SHF: variants seen among roughly 807,000 people sequenced by gnomAD.
SHF encodes SH2 domain-containing adapter protein F.
A neutral mutation model predicts 42.4 loss-of-function variants in SHF; 30 were observed. The ratio of observed to expected loss-of-function variants is 0.71; its 90% confidence interval spans 0.53 to 0.96. The LOEUF (loss-of-function observed/expected upper bound fraction) is 0.96, where lower values mean the gene tolerates loss of function less well. Ranked by LOEUF, SHF falls within the 40% of genes least tolerant of loss-of-function variation. The probability of loss-of-function intolerance (pLI) is 0.00; values close to 1 mark genes in which losing one functional copy is unlikely to be tolerated. For missense variants in SHF, 598 were observed against 634.0 expected, an observed-to-expected ratio of 0.94 and a Z score of 0.61; for synonymous variants, 264 against 269.9, an observed-to-expected ratio of 0.98 and a Z score of 0.21.
In SHF at chr15:45,172,002, G is replaced by A; in HGVS notation, c.1161C>T (p.Val387=). The change falls in exon 6 of 7, where the codon GTC becomes GTT. Residue 387 remains valine, a splice_region_variant and synonymous_variant. Transcript: ENST00000690270. ...TTCGGCTGATGGCCCCGTGATACCA[G>A]CTAAGGATGAGAGAGAGGAAGGGGG... ...TDPALPLENQ[V]WYHGAISRTD... 2 of 1,613,946 alleles carry A rather than the reference G, an allele frequency of 1.2e-6. No individual in the cohort carries two copies. The highest frequency in any genetic ancestry group is 1.7e-6 in the Non-Finnish European group (2 of 1,179,878).
intron 6 of SHF, 104 bp downstream of exon 6, chr15:45,171,779 C>A: frequency 3.9e-6 from 5 of 1,282,550 alleles, no homozygotes; most frequent in Non-Finnish European, 5.4e-6. Flanking sequence ...GGGGATTGTT[C>A]ATGGGGGATG....
At chr15:45,172,750 G>C (rs1187431422) in intron 4 of SHF, among the ~76,000 whole-genome samples, 1 of 152,086 alleles carries the variant, frequency 6.6e-6, no homozygotes, top group Non-Finnish European at 1.5e-5. Flanking sequence ...ATGACTTATC[G>C]ATCTGAGAAC....
intron 6 of SHF, chr15:45,170,800 C>A (rs996483351): frequency 2.0e-5 from 4 of 199,662 alleles, no homozygotes; most frequent in Non-Finnish European, 4.1e-5. Flanking sequence ...TACCAGTGCT[C>A]ACCATCACAC....
At chr15:45,192,021 C>A (rs1180882140), upstream of SHF, among the ~76,000 whole-genome samples, 1 of 150,848 alleles carries the variant, frequency 6.6e-6, no homozygotes, top group Non-Finnish European at 1.5e-5. Flanking sequence ...TTGCCTTATT[C>A]CTCTCCTTTT....
intron 2 of SHF, 26 bp from the exon 3 acceptor site, chr15:45,175,451 A>C (rs1383714619): frequency 6.4e-7 from 1 of 1,556,668 alleles, no homozygotes; most frequent in South Asian, 1.2e-5. Flanking sequence ...AGGAAGGGAA[A>C]GGTGAGGGTT....
Position 45,173,729 on chromosome 15 carries a change from G to A in SHF, c.848-13C>T. 6.4e-7 allele frequency: 1 copy of A among 1,551,760 alleles called. No homozygotes were observed. The highest frequency in any genetic ancestry group is 8.7e-7 in the Non-Finnish European group (1 of 1,146,970). The stretch of plus-strand genomic sequence containing the variant: ...ACCTTAATGTCAACTGGAGCCAGCA[G>A]CAGAAGTGAGAAGAGAGACAGACAG... On this transcript the variant is annotated splice_polypyrimidine_tract_variant and intron_variant, in intron 3 of 6. Coordinates refer to ENST00000690270, the MANE Select transcript of SHF (RefSeq NM_001394037.1).
chr15:45,172,465 C>G, intron 4 of SHF, 147 bp from the exon 5 acceptor site: 1 of 932,342 alleles, frequency 1.1e-6, no homozygotes, highest in Non-Finnish European at 1.6e-6. Context: ...GCTGAAGGGC[C>G]TGACTGGCTC....
intron 6 of SHF, chr15:45,170,543 A>C: frequency 2.4e-5 from 20 of 818,014 alleles, no homozygotes; most frequent in Non-Finnish European, 3.4e-5. Context: ...AGGCTCGGAG[A>C]TATTAAGTGA....
intron 2 of SHF, among the ~76,000 whole-genome samples, chr15:45,193,778 G>A (rs866831491): frequency 6.6e-6 from 1 of 152,134 alleles, no homozygotes; most frequent in African/African-American, 2.4e-5. Context: ...CCTTATGCAG[G>A]CTTCATGCAG....
intron 4 of SHF, 127 bp downstream of exon 4, chr15:45,173,449 T>G: frequency 7.3e-7 from 1 of 1,361,466 alleles, no homozygotes; most frequent in East Asian, 2.7e-5. Flanking sequence ...GTCTCTTCCT[T>G]CTTCCCAAAT....
chr15:45,195,395 A>G (rs1333470278), intron 2 of SHF, among the ~76,000 whole-genome samples: 1 of 152,202 alleles, frequency 6.6e-6, no homozygotes, highest in Non-Finnish European at 1.5e-5. Context: ...AAAGTCAGCC[A>G]TGACTTCTAA....
At chr15:45,198,681 C>A in intron 2 of SHF, 1 of 1,490,850 alleles carries the variant, frequency 6.7e-7, no homozygotes, top group Non-Finnish European at 9.0e-7. Flanking sequence ...TCACGGCGAG[C>A]TACCGGGGAC....
chr15:45,198,701 T>C (rs775719145), intron 2 of SHF: 40 of 1,530,478 alleles, frequency 2.6e-5, no homozygotes, highest in Middle Eastern at 1.7e-4. Flanking sequence ...CCCGTAGGGG[T>C]TGGCTTCTGA....
intron 1 of SHF, among the ~76,000 whole-genome samples, chr15:45,185,814 C>T (rs990625664): frequency 6.6e-6 from 1 of 152,212 alleles, no homozygotes; most frequent in Admixed American, 6.5e-5. Flanking sequence ...GGGGAGTCTC[C>T]GACCCTCACG....
At chr15:45,170,547 T>A in intron 6 of SHF, 1 of 802,410 alleles carries the variant, frequency 1.2e-6, no homozygotes. Context: ...TCGGAGATAT[T>A]AAGTGATTTC....
intron 1 of SHF, chr15:45,200,528 T>A (rs779256403): frequency 8.3e-6 from 3 of 360,384 alleles, no homozygotes; most frequent in Non-Finnish European, 1.6e-5. Flanking sequence ...CCTGAACTCT[T>A]CTCTGTTGAA....
intron 2 of SHF, chr15:45,198,574 C>T (rs1444166397): frequency 8.9e-6 from 5 of 564,156 alleles, no homozygotes; most frequent in Admixed American, 7.1e-5. Flanking sequence ...GAAAAAAATA[C>T]CGAGCCCCTT....
In SHF at chr15:45,175,406, C is replaced by T; in HGVS notation, c.660G>A (p.Glu220=). 1 of 1,587,016 alleles carries T rather than the reference C, an allele frequency of 6.3e-7. No individual in the cohort carries two copies. Among genetic ancestry groups the T allele is most frequent in the Non-Finnish European group, 8.6e-7 (1 of 1,166,372 alleles). ...ACAGAGGCAAGGGCTGAGTTGCTGTCTCCTTGGAGCCCCGGATCTCTGCCG... is the reference window on the plus strand; with the variant it reads ...ACAGAGGCAAGGGCTGAGTTGCTGTTTCCTTGGAGCCCCGGATCTCTGCCG... The part of the protein sequence containing the change: ...KMMAEIRGSK[E]TATQPLPLYD... The change falls in exon 3 of 7, where the codon GAG becomes GAA. Residue 220 remains glutamate (E), a synonymous_variant. Coordinates refer to ENST00000690270, the MANE Select transcript of SHF (RefSeq NM_001394037.1).
At chr15:45,190,907 A>C (rs895201946), upstream of SHF, among the ~76,000 whole-genome samples, 2 of 152,184 alleles carry the variant, frequency 1.3e-5, no homozygotes, top group Non-Finnish European at 2.9e-5. Flanking sequence ...CTGCTAATGT[A>C]CTTTCCTCCA....
Sources: allele counts gnomAD v4.1 joint callset (sites outside exome capture counted in the v4.1 genomes callset), GRCh38; gene constraint gnomAD v4.1.1; transcripts MANE v1.5; gene names NCBI Gene and HGNC (gene_info 2026-07-23, HGNC 2026-07-21).